Variants in PGCKA1 observed in about 807,000 individuals in gnomAD.
PGCKA1 encodes PDCD10 and GCKIII kinases-associated protein 1.
the PGCKA1 span, among the ~76,000 whole-genome samples, chr4:37,477,559 T>C: frequency 2.0e-5 from 3 of 152,196 alleles, no homozygotes; most frequent in Non-Finnish European, 4.4e-5. Context: ...ATGAATTGTA[T>C]CTCAATATAG....
At chr4:37,490,042 GA>G in the PGCKA1 span, among the ~76,000 whole-genome samples, 1 of 151,764 alleles carries the variant, frequency 6.6e-6, no homozygotes, top group Admixed American at 6.6e-5. Flanking sequence ...AAAGAGGATA[GA>G]AAAAAAGAGT....
chr4:37,483,529 G>A, the PGCKA1 span, among the ~76,000 whole-genome samples: 5 of 152,132 alleles, frequency 3.3e-5, no homozygotes, highest in Non-Finnish European at 7.4e-5. Context: ...CACTCTTCAT[G>A]GTGAGTCCCA....
chr4:37,508,906 A>G, the PGCKA1 span, among the ~76,000 whole-genome samples: 215 of 148,486 alleles, frequency 1.4e-3, no homozygotes, highest in African/African-American at 4.5e-3. Context: ...GCCTTCAAGC[A>G]TCTGTTTAAC....
the PGCKA1 span, among the ~76,000 whole-genome samples, chr4:37,464,861 T>C: frequency 6.6e-6 from 1 of 152,174 alleles, no homozygotes; most frequent in Non-Finnish European, 1.5e-5. Context: ...TTTGTATTAG[T>C]GTGAGGCAGA....
the PGCKA1 span, chr4:37,590,512 G>A: frequency 1.2e-6 from 2 of 1,614,174 alleles, no homozygotes; most frequent in Non-Finnish European, 1.7e-6. Context: ...GCTGGCCTCA[G>A]AAGGGACCCA....
chr4:37,500,212 C>T, the PGCKA1 span, among the ~76,000 whole-genome samples: 1 of 152,272 alleles, frequency 6.6e-6, no homozygotes, highest in East Asian at 1.9e-4. Context: ...GTGTGAGCCA[C>T]CGTGCCCAGC....
the PGCKA1 span, among the ~76,000 whole-genome samples, chr4:37,524,926 A>G: frequency 9.9e-5 from 15 of 152,276 alleles, no homozygotes; most frequent in East Asian, 1.9e-4. Context: ...AGGGAAGGGA[A>G]GGGAAGGGAA....
the PGCKA1 span, among the ~76,000 whole-genome samples, chr4:37,461,503 G>A: frequency 6.6e-6 from 1 of 151,920 alleles, no homozygotes; most frequent in Non-Finnish European, 1.5e-5. Context: ...TTAAGCAGTG[G>A]TTTCTAGTTC....
the PGCKA1 span, among the ~76,000 whole-genome samples, chr4:37,509,018 T>A: frequency 6.6e-6 from 1 of 151,138 alleles, no homozygotes; most frequent in Non-Finnish European, 1.5e-5. Flanking sequence ...ATTAACAGCA[T>A]CCCAAGGCAG....
At chr4:37,575,783 AG>A in the PGCKA1 span, among the ~76,000 whole-genome samples, 1 of 152,106 alleles carries the variant, frequency 6.6e-6, no homozygotes, top group Non-Finnish European at 1.5e-5. Context: ...ATATACAGCA[AG>A]AGAGAGGGAT....
At chr4:37,553,657 A>G in the PGCKA1 span, among the ~76,000 whole-genome samples, 24,611 of 152,220 alleles carry the variant, frequency 0.16, 2,104 homozygotes, top group Middle Eastern at 0.27. Flanking sequence ...CCAATTCCAG[A>G]TATGTTAAAA....
At chr4:37,526,526 G>A in the PGCKA1 span, among the ~76,000 whole-genome samples, 3 of 152,172 alleles carry the variant, frequency 2.0e-5, no homozygotes, top group Admixed American at 2.0e-4. Flanking sequence ...AAACTTCATT[G>A]GGATAAGCAT....
chr4:37,522,422 C>A, the PGCKA1 span, among the ~76,000 whole-genome samples: 1 of 152,088 alleles, frequency 6.6e-6, no homozygotes, highest in African/African-American at 2.4e-5. Flanking sequence ...CCCAAGGGCT[C>A]TTAAGTCAGC....
the PGCKA1 span, among the ~76,000 whole-genome samples, chr4:37,544,567 A>T: frequency 7.1e-6 from 1 of 140,536 alleles, no homozygotes; most frequent in Admixed American, 7.2e-5. Flanking sequence ...AATTTATGTG[A>T]GATTTCTTCA....
the PGCKA1 span, among the ~76,000 whole-genome samples, chr4:37,557,424 C>A: frequency 6.6e-6 from 1 of 152,170 alleles, no homozygotes; most frequent in Non-Finnish European, 1.5e-5. Flanking sequence ...TTATAAACAA[C>A]AGAAATTTCT....
the PGCKA1 span, among the ~76,000 whole-genome samples, chr4:37,559,767 C>T: frequency 6.6e-6 from 1 of 152,110 alleles, no homozygotes; most frequent in Non-Finnish European, 1.5e-5. Flanking sequence ...CTCTGAGTCT[C>T]CTTCCCAAGC....
the PGCKA1 span, among the ~76,000 whole-genome samples, chr4:37,551,972 T>C: frequency 2.6e-5 from 4 of 152,098 alleles, no homozygotes; most frequent in Non-Finnish European, 5.9e-5. Flanking sequence ...AGTGAGAGTC[T>C]CAAAGGGGGG....
the PGCKA1 span, among the ~76,000 whole-genome samples, chr4:37,561,743 G>C: frequency 6.6e-6 from 1 of 152,138 alleles, no homozygotes; most frequent in Non-Finnish European, 1.5e-5. Flanking sequence ...TGCTCTCAGG[G>C]GAAATATGGG....
chr4:37,577,386 G>A, the PGCKA1 span, among the ~76,000 whole-genome samples: 2 of 151,964 alleles, frequency 1.3e-5, no homozygotes, highest in African/African-American at 2.4e-5. Flanking sequence ...AGCCACTAAT[G>A]ATTTATTGAA....
Sources: allele counts gnomAD v4.1 joint callset (sites outside exome capture counted in the v4.1 genomes callset), GRCh38; gene constraint gnomAD v4.1.1; transcripts MANE v1.5; gene names NCBI Gene and HGNC (gene_info 2026-07-23, HGNC 2026-07-21).